Variants in PAX5 observed in about 807,000 individuals in gnomAD.
PAX5 encodes paired box protein Pax-5.
PAX5 carries 9 observed loss-of-function variants against 43.7 expected under a neutral mutation model. The ratio of observed to expected loss-of-function variants is 0.21; its 90% CI spans 0.12 to 0.36. The LOEUF (loss-of-function observed/expected upper bound fraction) is 0.36, where lower values mean the gene tolerates loss of function less well. Ranked by LOEUF, PAX5 falls within the 10% of genes least tolerant of loss-of-function variation. The pLI is 1.00. For synonymous variants in PAX5, 228 were observed against 214.3 expected (o/e 1.06, Z -0.56); for missense variants, 383 against 532.7 (o/e 0.72, Z 2.77).
intron 3 of PAX5, 151 bp downstream of exon 3, chr9:37,014,846 G>GC: frequency 1.4e-6 from 1 of 726,410 alleles, no homozygotes; most frequent in South Asian, 1.8e-5. Context: ...CAGAGACCGA[G>GC]CAGGCCCCAT....
chr9:36,946,080 G>C (rs546164683), intron 6 of PAX5, among the ~76,000 whole-genome samples: 2 of 151,968 alleles, frequency 1.3e-5, no homozygotes, highest in Non-Finnish European at 2.9e-5. Flanking sequence ...TCCCTGAGGA[G>C]TGCTCCGTCA....
At position 36,923,348 on chromosome 9, in the gene PAX5, C is replaced by A; in HGVS notation, c.910+7G>T. On this transcript the variant is annotated splice_region_variant and intron_variant, in intron 7 of 9. Transcript: ENST00000358127. ...TCACTCATCCCCCATGCCCCAGGTG[C>A]CCTCACCTGTCACAATGGGGTAGGA... is the stretch of plus-strand genomic sequence containing the variant. 1 of 1,609,322 alleles carries A rather than the reference C, an allele frequency of 6.2e-7. No homozygotes were observed. The highest frequency in any genetic ancestry group is 1.3e-5 in the African/African-American group (1 of 75,006).
chr9:36,954,284 G>C (rs12554519), intron 6 of PAX5, among the ~76,000 whole-genome samples: 13,748 of 152,094 alleles, frequency 0.09, 730 homozygotes, highest in African/African-American at 0.14. Flanking sequence ...CCAAGAAAAC[G>C]TGTTGATTTT....
At chr9:36,941,136 A>G (rs1832013940) in intron 6 of PAX5, among the ~76,000 whole-genome samples, 1 of 152,218 alleles carries the variant, frequency 6.6e-6, no homozygotes, top group Non-Finnish European at 1.5e-5. Flanking sequence ...CACAGCCGCT[A>G]AGCCAGCAGG....
At chr9:37,008,308 C>T (rs1460858296) in intron 3 of PAX5, among the ~76,000 whole-genome samples, 1 of 152,254 alleles carries the variant, frequency 6.6e-6, no homozygotes, top group Non-Finnish European at 1.5e-5. Flanking sequence ...CCCTCCTCGG[C>T]CTCCCAAAGT....
intron 8 of PAX5, among the ~76,000 whole-genome samples, chr9:36,867,066 G>T (rs536212290): frequency 1.5e-5 from 2 of 131,376 alleles, no homozygotes; most frequent in Non-Finnish European, 3.2e-5. Context: ...GTGGTGGGGG[G>T]GGGGCCTTGG....
intron 7 of PAX5, among the ~76,000 whole-genome samples, chr9:36,893,839 C>T (rs1014731235): frequency 6.6e-6 from 1 of 152,224 alleles, no homozygotes; most frequent in Non-Finnish European, 1.5e-5. Flanking sequence ...CAAAGATGAA[C>T]CTTTGTCATC....
At chr9:36,901,906 C>G (rs1046428911) in intron 7 of PAX5, among the ~76,000 whole-genome samples, 1 of 152,182 alleles carries the variant, frequency 6.6e-6, no homozygotes, top group Non-Finnish European at 1.5e-5. Flanking sequence ...GAGTGGTGCA[C>G]ATGCAAAGAA....
intron 5 of PAX5, among the ~76,000 whole-genome samples, chr9:36,978,343 C>T (rs1417433914): frequency 3.9e-5 from 6 of 152,164 alleles, no homozygotes; most frequent in Non-Finnish European, 8.8e-5. Flanking sequence ...TTACTAGGAG[C>T]AAAAGGGTGA....
At chr9:36,868,102 T>C (rs977860121) in intron 8 of PAX5, among the ~76,000 whole-genome samples, 1 of 151,730 alleles carries the variant, frequency 6.6e-6, no homozygotes, top group Non-Finnish European at 1.5e-5. Flanking sequence ...AATAAATAAC[T>C]CAAACAGAGG....
chr9:36,999,406 G>A (rs1279280129), intron 5 of PAX5, among the ~76,000 whole-genome samples: 2 of 152,190 alleles, frequency 1.3e-5, no homozygotes, highest in Admixed American at 1.3e-4. Flanking sequence ...CTCCTCATCA[G>A]AGGAATTTCA....
chr9:36,974,912 C>G (rs1041547616), intron 5 of PAX5, among the ~76,000 whole-genome samples: 1 of 152,124 alleles, frequency 6.6e-6, no homozygotes, highest in African/African-American at 2.4e-5. Context: ...CGTTTGTCAG[C>G]CCTCATGTGT....
At chr9:36,874,010 C>A (rs937958605) in intron 8 of PAX5, among the ~76,000 whole-genome samples, 1 of 152,202 alleles carries the variant, frequency 6.6e-6, no homozygotes, top group African/African-American at 2.4e-5. Flanking sequence ...GCGGCCCCCA[C>A]CCCTAAGCCT....
intron 8 of PAX5, among the ~76,000 whole-genome samples, chr9:36,866,603 G>A (rs902433556): frequency 3.9e-5 from 6 of 152,112 alleles, no homozygotes; most frequent in East Asian, 3.9e-4. Flanking sequence ...TCCAGGAACC[G>A]TCCTTTTTAT....
chr9:37,010,930 G>A (rs367565152), intron 3 of PAX5, among the ~76,000 whole-genome samples: 15 of 152,110 alleles, frequency 9.9e-5, no homozygotes, highest in Middle Eastern at 3.4e-3. Flanking sequence ...AGACCACCCT[G>A]GGCAACACGA....
chr9:37,000,070 C>T (rs1039620039), intron 5 of PAX5, among the ~76,000 whole-genome samples: 12 of 152,156 alleles, frequency 7.9e-5, no homozygotes, highest in African/African-American at 2.7e-4. Context: ...TGTGTAGCCT[C>T]CATCCCCTCC....
intron 6 of PAX5, among the ~76,000 whole-genome samples, chr9:36,926,563 A>G (rs1192643879): frequency 6.6e-6 from 1 of 152,224 alleles, no homozygotes; most frequent in African/African-American, 2.4e-5. Flanking sequence ...CTGAGAATGA[A>G]TCGGGCATGA....
rs561086075 is a variant in PAX5 at position 36,852,625 on chromosome 9, G to T, written c.1013-5696C>A. On this transcript the variant is annotated intron_variant, in intron 8 of 9. Coordinates refer to ENST00000358127, the MANE Select transcript of PAX5 (RefSeq NM_016734.3). The stretch of plus-strand genomic sequence containing the variant: ...AGAGGAGCCCGGGCTGGGGCAGAAG[G>T]AACGTGGCTTCCCACTGGGCATCTC... Among the ~76,000 whole-genome samples the T allele has an allele frequency of 3.3e-5, 5 of 152,342 alleles. No individual in the cohort carries two copies. In the South Asian group the frequency reaches 8.3e-4, roughly 25 times the overall value.
intron 4 of PAX5, among the ~76,000 whole-genome samples, chr9:37,005,065 T>C (rs148294534): frequency 6.6e-6 from 1 of 152,362 alleles, no homozygotes; most frequent in African/African-American, 2.4e-5. Context: ...TTAGCAGTTA[T>C]ACCCATTTGA....
Sources: gnomAD v4.1 joint callset for allele counts (sites outside exome capture counted in the v4.1 genomes callset) on GRCh38, gnomAD v4.1.1 for gene constraint, MANE v1.5 for transcripts, NCBI Gene and HGNC (gene_info 2026-07-23, HGNC 2026-07-21) for gene names.